The following TDRD3 variants were observed in gnomAD, a reference collection of about 807,000 sequenced individuals.
TDRD3 encodes the protein tudor domain containing 3, also known as tudor domain-containing protein 3.
Under a neutral mutation model 86.7 loss-of-function variants are expected in TDRD3, and 45 were observed. The observed-to-expected ratio is 0.52, with a 90% CI of 0.41 to 0.67. The LOEUF (loss-of-function observed/expected upper bound fraction) is 0.67, where lower values mean the gene tolerates loss of function less well. TDRD3 is among the 30% of genes least tolerant of loss of function. The pLI is 0.00. For missense variants in TDRD3, 814 were observed against 889.0 expected, an observed-to-expected ratio of 0.92 and a Z score of 1.07; for synonymous variants, 298 against 301.7, an observed-to-expected ratio of 0.99 and a Z score of 0.13.
intron 12 of TDRD3, among the ~76,000 whole-genome samples, chr13:60,549,364 A>G (rs900576233): frequency 4.6e-5 from 7 of 152,132 alleles, no homozygotes; most frequent in Non-Finnish European, 8.8e-5. Context: ...AATCTGTGTC[A>G]TCATAGTGAC....
intron 11 of TDRD3, among the ~76,000 whole-genome samples, chr13:60,531,774 C>A (rs1957587378): frequency 6.6e-6 from 1 of 152,072 alleles, no homozygotes; most frequent in Non-Finnish European, 1.5e-5. Flanking sequence ...CTTCTACAAC[C>A]TTTCCAGTAC....
chr13:60,538,802 G>A (rs1182722027), intron 12 of TDRD3, among the ~76,000 whole-genome samples: 1 of 152,094 alleles, frequency 6.6e-6, no homozygotes, highest in African/African-American at 2.4e-5. Flanking sequence ...GGTGCTGCTG[G>A]TCAGGCAAAC....
At position 60,397,735 on chromosome 13, in the gene TDRD3, G is replaced by A. The variant is rs1405031410; in HGVS notation, c.41+330G>A. 2.6e-5 allele frequency among the ~76,000 whole-genome samples: 4 copies of A among 151,350 alleles called. No homozygotes were observed. In the South Asian group the frequency reaches 6.2e-4, roughly 23 times the overall value. ...GACCCCGGCCGACCGGAGCGCCGGG[G>A]AGGACCTGCAGCGCCGTCCGCGCGG... On this transcript the variant is annotated intron_variant, in intron 1 of 13. Coordinates refer to ENST00000377881, the MANE Select transcript of TDRD3 (RefSeq NM_001146070.2).
intron 10 of TDRD3, among the ~76,000 whole-genome samples, chr13:60,516,811 A>G (rs1408641553): frequency 6.6e-6 from 1 of 152,208 alleles, no homozygotes; most frequent in African/African-American, 2.4e-5. Flanking sequence ...TCAGGCCTTC[A>G]TCAAGGCTTT....
At position 60,525,772 on chromosome 13, in the gene TDRD3, G is replaced by C. The variant is rs112227625; in HGVS notation, c.1142-2595G>C. Among the ~76,000 whole-genome samples, 511 of 152,228 alleles carry C rather than the reference G, an allele frequency of 3.4e-3. 4 individuals are homozygous for C. The highest frequency in any genetic ancestry group is 0.012 in the African/African-American group (487 of 41,552). ...ATAGTACTTTTGATGTAAGAAGGCT[G>C]GTGCATGAGAGTGCTTGAGTACATA... On this transcript the variant is annotated intron_variant, in intron 10 of 13. Coordinates refer to ENST00000377881, the MANE Select transcript of TDRD3 (RefSeq NM_001146070.2).
intron 3 of TDRD3, among the ~76,000 whole-genome samples, chr13:60,450,511 A>G (rs549055589): frequency 8.5e-5 from 13 of 152,322 alleles, no homozygotes; most frequent in African/African-American, 3.1e-4. Flanking sequence ...AGTAAATACA[A>G]ATAATCCTAG....
intron 3 of TDRD3, among the ~76,000 whole-genome samples, chr13:60,458,160 C>A (rs1955722009): frequency 6.6e-6 from 1 of 152,136 alleles, no homozygotes; most frequent in Admixed American, 6.5e-5. Context: ...ATCCTTCATT[C>A]CCCAGATCTT....
At chr13:60,398,332 C>T (rs1953999114) in intron 1 of TDRD3, among the ~76,000 whole-genome samples, 1 of 152,060 alleles carries the variant, frequency 6.6e-6, no homozygotes, top group Non-Finnish European at 1.5e-5. Context: ...TAGTGATAAA[C>T]CGTACGTACA....
At chr13:60,493,809 A>G (rs1405186305) in intron 7 of TDRD3, among the ~76,000 whole-genome samples, 1 of 152,242 alleles carries the variant, frequency 6.6e-6, no homozygotes, top group Non-Finnish European at 1.5e-5. Context: ...TAGTTTTGAA[A>G]AACAAATATA....
chr13:60,573,180 C>CCTGTGTGG (rs1297665583), intron 13 of TDRD3, among the ~76,000 whole-genome samples: 3 of 152,154 alleles, frequency 2.0e-5, no homozygotes, highest in Non-Finnish European at 4.4e-5. Flanking sequence ...GGGGAGGTGA[C>CCTGTGTGG]AGACCAAAAT....
chr13:60,522,275 A>G (rs2137732408), intron 10 of TDRD3, among the ~76,000 whole-genome samples: 1 of 152,288 alleles, frequency 6.6e-6, no homozygotes, highest in African/African-American at 2.4e-5. Context: ...TTTCATTAAG[A>G]ATCAAATAAA....
Position 60,469,112 on chromosome 13 carries a change from A to C in TDRD3, c.495+1733A>C, listed in dbSNP as rs186235320. Among the ~76,000 whole-genome samples the C allele has an allele frequency of 6.6e-4, 100 of 152,244 alleles. 1 individual carries two copies. Among genetic ancestry groups the C allele is most frequent in the Middle Eastern group, 3.4e-3 (1 of 294 alleles). ...TGTGATTTGGGTTGCTGTACTATGC[A>C]ATATAAAGTAATGTTCCACAACTGC... On this transcript the variant is annotated intron_variant, in intron 5 of 13. Transcript: ENST00000377881.
At position 60,467,359 on chromosome 13, in the gene TDRD3, G is replaced by A; in HGVS notation, c.475G>A (p.Glu159Lys). The change falls in exon 5 of 14, where the codon GAG becomes AAG. Residue 159 changes from glutamate (E) to lysine (K), a missense_variant. By Grantham distance (56) the Glu-to-Lys change is moderately conservative. Transcript: ENST00000377881. ...TGGTGGTGAAGTGGAACACCTTATT[G>A]AGAAATGGGAGTTACAGAGAGTAAG... The part of the protein sequence containing the change: ...VLGGEVEHLI[E>K]KWELQRSLSK... 1 of 1,613,638 alleles carries A rather than the reference G, an allele frequency of 6.2e-7. No individual in the cohort carries two copies. Among genetic ancestry groups the A allele is most frequent in the Admixed American group, 1.7e-5 (1 of 59,918 alleles).
chr13:60,435,864 G>T (rs766054441), intron 1 of TDRD3, among the ~76,000 whole-genome samples: 4 of 148,186 alleles, frequency 2.7e-5, no homozygotes, highest in Non-Finnish European at 4.5e-5. Context: ...CGTAGTGGTT[G>T]TAGCAATTTA....
intron 5 of TDRD3, among the ~76,000 whole-genome samples, chr13:60,476,617 A>G (rs867047954): frequency 6.6e-6 from 1 of 151,944 alleles, no homozygotes. Context: ...GTTTGATAGG[A>G]ATAGTGTTGA....
At chr13:60,425,640 A>C (rs930207625) in intron 1 of TDRD3, among the ~76,000 whole-genome samples, 8 of 152,232 alleles carry the variant, frequency 5.3e-5, no homozygotes, top group Non-Finnish European at 7.4e-5. Flanking sequence ...GAATAAAGAA[A>C]ATGTGGTATA....
chr13:60,411,837 T>C lies in TDRD3; in HGVS notation c.41+14432T>C, dbSNP rs150320979. On this transcript the variant is annotated intron_variant, in intron 1 of 13. Transcript: ENST00000377881. ...GTAAGATTCTTATTAAAGAATCTTATTGCACATTAAAGTGATTCTTTTGCA... is the reference window on the plus strand; with the variant it reads ...GTAAGATTCTTATTAAAGAATCTTACTGCACATTAAAGTGATTCTTTTGCA... Among the ~76,000 whole-genome samples, 1,175 of 152,256 alleles carry C rather than the reference T, an allele frequency of 7.7e-3. 16 individuals are homozygous for C. The highest frequency in any genetic ancestry group is 0.027 in the African/African-American group (1,111 of 41,528).
intron 11 of TDRD3, 117 bp from the exon 12 acceptor site, chr13:60,534,991 G>A (rs1957668112): frequency 2.0e-6 from 2 of 998,592 alleles, no homozygotes; most frequent in Non-Finnish European, 2.8e-6. Flanking sequence ...CCAAAGGTAA[G>A]TTTCCTTCTA....
At chr13:60,527,146 A>T (rs947675557) in intron 10 of TDRD3, among the ~76,000 whole-genome samples, 2 of 152,084 alleles carry the variant, frequency 1.3e-5, no homozygotes, top group Non-Finnish European at 2.9e-5. Context: ...GACCACTTTG[A>T]GTCTTGATCT....
Sources: gnomAD v4.1 joint callset for allele counts (sites outside exome capture counted in the v4.1 genomes callset) on GRCh38, gnomAD v4.1.1 for gene constraint, MANE v1.5 for transcripts, NCBI Gene and HGNC (gene_info 2026-07-23, HGNC 2026-07-21) for gene names.